EHD4: variants seen among roughly 807,000 people sequenced by gnomAD.
EHD4 encodes EH domain containing 4.
Under a neutral mutation model 51.0 loss-of-function variants are expected in EHD4, and 37 were observed. That is an observed-to-expected ratio of 0.73 (90% CI 0.56 to 0.95). The LOEUF is 0.95. Among genes scored for constraint, EHD4 ranks in the 40% least tolerant of loss-of-function variants. The pLI is 0.00. For synonymous variants in EHD4, 297 were observed against 317.3 expected, an observed-to-expected ratio of 0.94 and a Z score of 0.68; for missense variants, 632 against 733.1, an observed-to-expected ratio of 0.86 and a Z score of 1.59.
In EHD4 at chr15:41,919,434, G is replaced by T. The variant is rs755252808; in HGVS notation, c.700C>A (p.Arg234=). Residue 234 remains arginine, a synonymous_variant, in exon 4 of 6, where the codon CGG becomes AGG. Coordinates refer to ENST00000220325, the MANE Select transcript of EHD4 (RefSeq NM_139265.4). Reference sequence around the variant, plus strand: ...GACCACATGAGGGCCCCGTAGACCCGCATCAGCTGCTGCGTGTCCACTTGG... The same window carrying T: ...GACCACATGAGGGCCCCGTAGACCCTCATCAGCTGCTGCGTGTCCACTTGG... The part of the protein sequence containing the change: ...ADQVDTQQLM[R]VYGALMWSLG... 6 of 1,583,650 alleles carry T rather than the reference G, an allele frequency of 3.8e-6. No individual in the cohort carries two copies. Among genetic ancestry groups the T allele is most frequent in the Admixed American group, 3.5e-5 (2 of 57,002 alleles).
chr15:41,921,892 T>C (rs2067628027), intron 3 of EHD4, among the ~76,000 whole-genome samples: 1 of 152,148 alleles, frequency 6.6e-6, no homozygotes, highest in Admixed American at 6.5e-5. Context: ...ATTCACTTCC[T>C]TCCACCAGAG....
intron 1 of EHD4, among the ~76,000 whole-genome samples, chr15:41,957,558 C>T (rs2067895690): frequency 6.6e-6 from 1 of 152,152 alleles, no homozygotes; most frequent in South Asian, 2.1e-4. Context: ...AGTGCAGGAA[C>T]ATGGCTTGTT....
chr15:41,943,044 G>A (rs1227649673), intron 3 of EHD4, 23 bp downstream of exon 3: 30 of 1,548,156 alleles, frequency 1.9e-5, no homozygotes, highest in Middle Eastern at 1.7e-4. Flanking sequence ...ACTTGGTGGG[G>A]AGGGGCAGGG....
chr15:41,957,743 C>T (rs574768797), intron 1 of EHD4, among the ~76,000 whole-genome samples: 10 of 152,340 alleles, frequency 6.6e-5, no homozygotes, highest in African/African-American at 1.2e-4. Flanking sequence ...TTACATATGA[C>T]ACTCTAAGCT....
Position 41,901,296 on chromosome 15 carries a change from AG to A in EHD4, c.1090-116del, listed in dbSNP as rs756002051. On this transcript the variant is annotated intron_variant, in intron 5 of 5. Coordinates refer to ENST00000220325, the MANE Select transcript of EHD4 (RefSeq NM_139265.4). ...CAGGCAGACGTCCCACCCACTACTCAGGAGTGCACTCTTTGGGAGCTTCCCA... is the reference window on the plus strand; with the variant it reads ...CAGGCAGACGTCCCACCCACTACTCAGAGTGCACTCTTTGGGAGCTTCCCA... 1.1e-3 allele frequency: 1,241 copies of A among 1,108,316 alleles called. 2 individuals are homozygous for A. The highest frequency in any genetic ancestry group is 1.2e-3 in the Non-Finnish European group (933 of 803,976). The allele number at this position is 1,108,316 out of a possible 1,614,324, so 68.7% of individuals were successfully genotyped here.
intron 3 of EHD4, among the ~76,000 whole-genome samples, chr15:41,931,911 G>A (rs1051136699): frequency 1.8e-4 from 27 of 152,046 alleles, no homozygotes; most frequent in South Asian, 2.1e-4. Context: ...TCCTGACCTC[G>A]TGATCCGCCC....
rs1248448280 is a variant in EHD4, at chr15:41,896,497, T to C, written c.*4148A>G. ...GAGCCAATATTTGTGACCAAGGGGA[T>C]GTGGTCAATCTCATCCAAACCTCAC... On this transcript the variant is annotated 3_prime_UTR_variant, in exon 6 of 6. Coordinates refer to ENST00000220325, the MANE Select transcript of EHD4 (RefSeq NM_139265.4). The C allele has an allele frequency of 6.6e-6, 1 of 152,154 alleles. No homozygotes were observed. Among genetic ancestry groups the C allele is most frequent in the South Asian group, 2.1e-4 (1 of 4,826 alleles). The allele number at this position is 152,154 out of a possible 1,614,324, so 9.4% of individuals were successfully genotyped here.
intron 2 of EHD4, among the ~76,000 whole-genome samples, chr15:41,953,169 A>G (rs563565795): frequency 2.3e-4 from 35 of 152,162 alleles, no homozygotes; most frequent in African/African-American, 5.5e-4. Context: ...GTCAGTGGGT[A>G]AAATCCGAGT....
intron 1 of EHD4, among the ~76,000 whole-genome samples, chr15:41,969,311 C>T (rs2067981425): frequency 6.6e-6 from 1 of 152,170 alleles, no homozygotes; most frequent in Admixed American, 6.5e-5. Context: ...CTTTGGGAGG[C>T]CAAGGCGGGC....
At chr15:41,934,455 C>T (rs1486475999) in intron 3 of EHD4, among the ~76,000 whole-genome samples, 1 of 151,966 alleles carries the variant, frequency 6.6e-6, no homozygotes, top group Non-Finnish European at 1.5e-5. Context: ...GATAGGACTA[C>T]GAGAACACAC....
chr15:41,928,484 G>A (rs1008450885), intron 3 of EHD4: 22 of 152,276 alleles, frequency 1.4e-4, no homozygotes, highest in African/African-American at 4.8e-4. Context: ...CACCATATGT[G>A]TACCAGGATG....
intron 3 of EHD4, among the ~76,000 whole-genome samples, chr15:41,940,676 A>C (rs1478063668): frequency 6.6e-6 from 1 of 152,196 alleles, no homozygotes; most frequent in African/African-American, 2.4e-5. Context: ...ATAGGATGTG[A>C]GTAAGTACAT....
chr15:41,930,317 TC>T (rs2067690228), intron 3 of EHD4, among the ~76,000 whole-genome samples: 1 of 152,226 alleles, frequency 6.6e-6, no homozygotes, highest in African/African-American at 2.4e-5. Context: ...CTAGAAAGTC[TC>T]ATACAATATG....
intron 5 of EHD4, among the ~76,000 whole-genome samples, chr15:41,903,993 A>G (rs2067495973): frequency 6.6e-6 from 1 of 151,670 alleles, no homozygotes; most frequent in South Asian, 2.1e-4. Context: ...CAACATCTCA[A>G]TGGGCCAAGG....
chr15:41,902,495 G>A (rs570546618), intron 5 of EHD4, among the ~76,000 whole-genome samples: 1 of 152,232 alleles, frequency 6.6e-6, no homozygotes, highest in South Asian at 2.1e-4. Context: ...CTTTAAATGA[G>A]CTTATGTTGT....
chr15:41,963,486 G>A (rs1718256545), intron 1 of EHD4, among the ~76,000 whole-genome samples: 1 of 151,686 alleles, frequency 6.6e-6, no homozygotes, highest in South Asian at 2.1e-4. Context: ...TGTAATCCCA[G>A]CTACTTGGGA....
At position 41,924,876 on chromosome 15, in the gene EHD4, G is replaced by A. The variant is rs1394545100; in HGVS notation, c.512-5254C>T. On this transcript the variant is annotated intron_variant, in intron 3 of 5. Transcript: ENST00000220325. ...GTTCGAGACCAGCCTGGCCAACTTC[G>A]CGAAACCCTGTCTCTACTAAAAATA... 3.9e-5 allele frequency among the ~76,000 whole-genome samples: 6 copies of A among 151,932 alleles called. No individual in the cohort carries two copies. In the East Asian group the frequency reaches 5.8e-4, roughly 15 times the overall value.
At chr15:41,917,698 T>C (rs185952107) in intron 4 of EHD4, among the ~76,000 whole-genome samples, 2 of 152,286 alleles carry the variant, frequency 1.3e-5, no homozygotes, top group Admixed American at 1.3e-4. Context: ...TACCAAGCAT[T>C]AGGCCCAGGA....
At chr15:41,949,051 T>TATACACATACAC (rs1491135423) in intron 2 of EHD4, among the ~76,000 whole-genome samples, 1 of 109,434 alleles carries the variant, frequency 9.1e-6, no homozygotes, top group African/African-American at 3.7e-5. Flanking sequence ...TATATATATA[T>TATACACATACAC]ACACACATAC....
Sources: gnomAD v4.1 joint callset for allele counts (sites outside exome capture counted in the v4.1 genomes callset) on GRCh38, gnomAD v4.1.1 for gene constraint, MANE v1.5 for transcripts, NCBI Gene and HGNC (gene_info 2026-07-23, HGNC 2026-07-21) for gene names.